ZNF749: variants seen among roughly 807,000 people sequenced by gnomAD.
The protein encoded by ZNF749 is zinc finger protein 749.
In ZNF749, 8 loss-of-function variants were observed where a neutral mutation model predicts 7.3. That is an observed-to-expected ratio of 1.10 (90% CI 0.64 to 1.98). ZNF749 has a LOEUF of 1.98. Ranked by LOEUF, ZNF749 falls within the 30% of genes most tolerant of loss-of-function variation. ZNF749 has a pLI of 0.00. For missense variants in ZNF749, 898 were observed against 932.4 expected, an observed-to-expected ratio of 0.96 and a Z score of 0.48; for synonymous variants, 310 against 322.4, an observed-to-expected ratio of 0.96 and a Z score of 0.41.
In ZNF749 at chr19:57,435,379, A is replaced by G. The variant is rs1838161193; in HGVS notation, c.-200A>G. The G allele has an allele frequency of 2.7e-6, 2 of 737,940 alleles. No individual in the cohort carries two copies. Among genetic ancestry groups the G allele is most frequent in the Non-Finnish European group, 4.4e-6 (2 of 451,492 alleles). 45.7% of individuals were successfully genotyped at this position (737,940 alleles called of 1,614,324 possible). A position where few individuals can be genotyped will look rare whatever the true frequency, so the allele number is the denominator to read the frequency against. On this transcript the variant is annotated 5_prime_UTR_variant, in exon 1 of 3. Transcript: ENST00000334181. ...AGCATGGCTACCTAGGGATCTGTTC[A>G]CTGATTTAGAGGGTCCCAGAGCTCT...
At position 57,442,408 on chromosome 19, in the gene ZNF749, T is replaced by C. The variant is rs1300505888; in HGVS notation, c.142+397T>C. On this transcript the variant is annotated intron_variant, in intron 2 of 2. Transcript: ENST00000334181. The surrounding 1 kb of genome is among the most constrained non-coding windows in gnomAD (Gnocchi z 6.6). ...CTAGGAATTTCAGGCACCTCCCTGGTCACCACTTGTGAGGATTGTGAAGTT... is the reference window on the plus strand; with the variant it reads ...CTAGGAATTTCAGGCACCTCCCTGGCCACCACTTGTGAGGATTGTGAAGTT... Among the ~76,000 whole-genome samples, 2 of 152,192 alleles carry C rather than the reference T, an allele frequency of 1.3e-5. No individual in the cohort carries two copies. The highest frequency in any genetic ancestry group is 2.4e-5 in the African/African-American group (1 of 41,438).
At chr19:57,430,901 G>A (rs543107780), upstream of ZNF749, among the ~76,000 whole-genome samples, 120 of 152,162 alleles carry the variant, frequency 7.9e-4, no homozygotes, top group Non-Finnish European at 1.5e-3. Context: ...TTAGCTGGGC[G>A]TGATGGTGCG....
chr19:57,439,525 C>T lies in ZNF749; in HGVS notation c.16-2360C>T, dbSNP rs2123096895. On this transcript the variant is annotated intron_variant, in intron 1 of 2. Transcript: ENST00000334181. This position sits in a 1 kb window ranked among gnomAD's most constrained non-coding sequence, Gnocchi z 4.3. ...TGGTGGATCACACCTGTAATCCCAG[C>T]ACTTTGGGAGGCAGAGGTGGGAAGA... Among the ~76,000 whole-genome samples, 1 of 152,158 alleles carries T rather than the reference C, an allele frequency of 6.6e-6. No individual in the cohort carries two copies. The highest frequency in any genetic ancestry group is 2.4e-5 in the African/African-American group (1 of 41,514).
chr19:57,430,780 G>A (rs1819481579), upstream of ZNF749, among the ~76,000 whole-genome samples: 1 of 152,122 alleles, frequency 6.6e-6, no homozygotes, highest in African/African-American at 2.4e-5. Flanking sequence ...GGTGGCTCAC[G>A]CCTGTAATCC....
In ZNF749 at chr19:57,445,416, C is replaced by G. The variant is rs970383500; in HGVS notation, c.2268C>G (p.Ser756=). The change falls in exon 3 of 3, where the codon TCC becomes TCG. Residue 756 remains serine, a synonymous_variant. Coordinates refer to ENST00000334181, the MANE Select transcript of ZNF749 (RefSeq NM_001023561.4). ...TGERSYECGE[S]SKVFKYNSSL... Reference sequence around the variant, plus strand: ...AAAGGTCTTATGAGTGTGGTGAATCCAGCAAAGTGTTTAAATACAACTCCA... The same window carrying G: ...AAAGGTCTTATGAGTGTGGTGAATCGAGCAAAGTGTTTAAATACAACTCCA... 1.2e-6 allele frequency: 2 copies of G among 1,613,934 alleles called. No individual in the cohort carries two copies. The highest frequency in any genetic ancestry group is 3.3e-5 in the Admixed American group (2 of 60,016).
chr19:57,441,778 C>T, intron 1 of ZNF749, 107 bp from the exon 2 acceptor site: 1 of 1,330,200 alleles, frequency 7.5e-7, no homozygotes, highest in Non-Finnish European at 1.1e-6. Context: ...AAAACATTGG[C>T]TGTTAGTTTG....
At chr19:57,430,943 G>A (rs2088896202), upstream of ZNF749, among the ~76,000 whole-genome samples, 1 of 151,920 alleles carries the variant, frequency 6.6e-6, no homozygotes, top group Admixed American at 6.6e-5. Context: ...AGGAGGCTGA[G>A]GCAGGGGAAC....
chr19:57,440,337 G>A (rs776762639), intron 1 of ZNF749, among the ~76,000 whole-genome samples: 16 of 151,962 alleles, frequency 1.1e-4, no homozygotes, highest in Non-Finnish European at 1.0e-4. Flanking sequence ...GATAGAGAAT[G>A]TTGTGACTGC....
upstream of ZNF749, among the ~76,000 whole-genome samples, chr19:57,434,573 A>T (rs1406460586): frequency 1.3e-5 from 2 of 152,046 alleles, no homozygotes; most frequent in Non-Finnish European, 2.9e-5. Context: ...GTATTGATTG[A>T]TGTCTTACGT....
chr19:57,432,924 G>T (rs1209651809), upstream of ZNF749, among the ~76,000 whole-genome samples: 1 of 152,132 alleles, frequency 6.6e-6, no homozygotes, highest in Non-Finnish European at 1.5e-5. Flanking sequence ...AGACAACTTG[G>T]AAATAAATGA....
At chr19:57,429,859 C>A in the ZNF749 span, among the ~76,000 whole-genome samples, 2 of 152,126 alleles carry the variant, frequency 1.3e-5, no homozygotes, top group Non-Finnish European at 2.9e-5. The surrounding 1 kb of genome is among the most constrained non-coding windows in gnomAD (Gnocchi z 4.2). Context: ...TCTAATTTTT[C>A]CACATCCTTG....
chr19:57,434,523 A>G (rs1421223898), upstream of ZNF749, among the ~76,000 whole-genome samples: 2 of 151,786 alleles, frequency 1.3e-5, no homozygotes, highest in African/African-American at 4.8e-5. Flanking sequence ...CCTCCCTTCC[A>G]GTTGCGCCTT....
At position 57,441,989 on chromosome 19, in the gene ZNF749, C is replaced by T. The variant is rs2088995569; in HGVS notation, c.120C>T (p.Asn40=). The change falls in exon 2 of 3, where the codon AAC becomes AAT. Residue 40 remains asparagine, a synonymous_variant. Coordinates refer to ENST00000334181, the MANE Select transcript of ZNF749 (RefSeq NM_001023561.4). The stretch of plus-strand genomic sequence containing the variant: ...TGCACAGCAATGTGATGTTGGAGAA[C>T]TTTGCGCTTTTGTCATCAGTAGGTA... ...RHLHSNVMLE[N]FALLSSVGCW... is the part of the protein sequence containing the mutation. 1.9e-6 allele frequency: 3 copies of T among 1,613,906 alleles called. No individual in the cohort carries two copies. The highest frequency in any genetic ancestry group is 2.7e-5 in the African/African-American group (2 of 74,884).
upstream of ZNF749, among the ~76,000 whole-genome samples, chr19:57,435,146 G>A (rs2088920525): frequency 6.6e-6 from 1 of 152,326 alleles, no homozygotes; most frequent in East Asian, 1.9e-4. Flanking sequence ...CGCGCGCCCA[G>A]CATTGTGAGG....
chr19:57,433,505 T>C (rs2088909568), upstream of ZNF749, among the ~76,000 whole-genome samples: 1 of 152,234 alleles, frequency 6.6e-6, no homozygotes, highest in Non-Finnish European at 1.5e-5. Context: ...GTTAGTGGGA[T>C]TTCTTATTTT....
chr19:57,446,839 A>G lies in ZNF749; in HGVS notation c.*1354A>G, dbSNP rs557322815. On this transcript the variant is annotated 3_prime_UTR_variant, in exon 3 of 3. Transcript: ENST00000334181. ...GAATATTGTAGGTAATTGAAACACA[A>G]TGATAAGTAAATGTGTATCTAAACA... Among the ~76,000 whole-genome samples, 1 of 152,326 alleles carries G rather than the reference A, an allele frequency of 6.6e-6. No homozygotes were observed. Among genetic ancestry groups the G allele is most frequent in the Non-Finnish European group, 1.5e-5 (1 of 68,030 alleles).
Position 57,442,478 on chromosome 19 carries a change from G to A in ZNF749, c.142+467G>A, listed in dbSNP as rs1048537820. ...CTGGGTGTTCTGGTAGCTTTAGAAT[G>A]CAGCATGTCCTGGGTTTATTGCTCT... On this transcript the variant is annotated intron_variant, in intron 2 of 2. Transcript: ENST00000334181. The surrounding 1 kb of genome is among the most constrained non-coding windows in gnomAD (Gnocchi z 6.6). Among the ~76,000 whole-genome samples the A allele has an allele frequency of 6.6e-6, 1 of 152,168 alleles. No homozygotes were observed. Among genetic ancestry groups the A allele is most frequent in the African/African-American group, 2.4e-5 (1 of 41,430 alleles).
intron 1 of ZNF749, among the ~76,000 whole-genome samples, chr19:57,438,828 GT>G (rs1266986328): frequency 2.0e-5 from 3 of 152,214 alleles, no homozygotes; most frequent in African/African-American, 7.2e-5. Flanking sequence ...AGTGGTCCTA[GT>G]TCCGACAACT....
chr19:57,437,891 A>G (rs889312067), intron 1 of ZNF749: 5 of 393,520 alleles, frequency 1.3e-5, no homozygotes, highest in African/African-American at 2.1e-5. Flanking sequence ...AACCCTTTTA[A>G]TCTCCATTTT....
Sources: gnomAD v4.1 joint callset for allele counts (sites outside exome capture counted in the v4.1 genomes callset) on GRCh38, gnomAD v4.1.1 for gene constraint, Gnocchi (gnomAD v3.1) non-coding constraint, MANE v1.5 for transcripts, NCBI Gene and HGNC (gene_info 2026-07-23, HGNC 2026-07-21) for gene names.